Variants in TBC1D32 observed in about 807,000 individuals in gnomAD.
TBC1D32 encodes the protein TBC1 domain family member 32, also known as protein broad-minded.
A neutral mutation model predicts 170.3 loss-of-function variants in TBC1D32; 151 were observed. The observed-to-expected ratio is 0.89, with a 90% confidence interval of 0.78 to 1.01. The LOEUF is 1.01. Among genes scored for constraint, TBC1D32 ranks in the 50% least tolerant of loss-of-function variants. TBC1D32 has a pLI of 0.00. For missense variants in TBC1D32, 1,464 were observed against 1,457.1 expected, an observed-to-expected ratio of 1.00 and a Z score of -0.08; for synonymous variants, 498 against 488.0, an observed-to-expected ratio of 1.02 and a Z score of -0.27.
chr6:121,129,713 T>A (rs1781224482), intron 25 of TBC1D32, among the ~76,000 whole-genome samples: 1 of 152,146 alleles, frequency 6.6e-6, no homozygotes, highest in African/African-American at 2.4e-5. Context: ...AGAGACAGAC[T>A]TAGGAATAGC....
At chr6:121,321,971 A>C (rs770179689) in intron 1 of TBC1D32, among the ~76,000 whole-genome samples, 177 bp from the exon 2 acceptor site, 16 of 144,996 alleles carry the variant, frequency 1.1e-4, no homozygotes, top group Non-Finnish European at 2.3e-4. Flanking sequence ...TTTCTGAGAC[A>C]CTTGGCAAAA....
chr6:121,172,622 T>C (rs1256650091), intron 22 of TBC1D32, among the ~76,000 whole-genome samples: 3 of 152,160 alleles, frequency 2.0e-5, no homozygotes, highest in South Asian at 2.1e-4. Context: ...TAGAAGAAGG[T>C]AGTCATCAAT....
intron 30 of TBC1D32, among the ~76,000 whole-genome samples, chr6:121,097,286 G>A (rs1280052933): frequency 6.6e-6 from 1 of 152,086 alleles, no homozygotes; most frequent in African/African-American, 2.4e-5. Context: ...AAAAATTTTT[G>A]CAATCTATCC....
At chr6:121,290,318 C>G (rs1156542574) in intron 12 of TBC1D32, among the ~76,000 whole-genome samples, 1 of 152,120 alleles carries the variant, frequency 6.6e-6, no homozygotes, top group African/African-American at 2.4e-5. Context: ...AAACAAACAA[C>G]CCCATCAACA....
chr6:121,142,014 C>T (rs1289944411), intron 24 of TBC1D32, among the ~76,000 whole-genome samples: 1 of 152,220 alleles, frequency 6.6e-6, no homozygotes, highest in Non-Finnish European at 1.5e-5. Context: ...ATGTGCAAGA[C>T]TGCTCTCTAC....
chr6:121,206,918 CCT>C (rs953168935), intron 21 of TBC1D32, among the ~76,000 whole-genome samples: 2 of 152,122 alleles, frequency 1.3e-5, no homozygotes, highest in Non-Finnish European at 1.5e-5. Flanking sequence ...TCTCCTTTAA[CCT>C]CTCTACTTTT....
Position 121,242,138 on chromosome 6 carries a change from T to C in TBC1D32, c.2157+63A>G. Reference sequence around the variant, plus strand: ...TCTTCATACACAGAAAACAGAATGATGTTCTTAATGGCTTTTAAAACCACA... The same window carrying C: ...TCTTCATACACAGAAAACAGAATGACGTTCTTAATGGCTTTTAAAACCACA... On this transcript the variant is annotated intron_variant, in intron 18 of 31. Transcript: ENST00000398212. 2.0e-6 allele frequency: 3 copies of C among 1,509,206 alleles called. No individual in the cohort carries two copies. In the South Asian group the frequency reaches 3.6e-5, roughly 18 times the overall value. The allele number at this position is 1,509,206 out of a possible 1,614,324, so 93.5% of individuals were successfully genotyped here.
At chr6:121,101,959 G>C (rs1305511210) in intron 30 of TBC1D32, among the ~76,000 whole-genome samples, 1 of 152,064 alleles carries the variant, frequency 6.6e-6, no homozygotes, top group African/African-American at 2.4e-5. Context: ...CAAACAGAGA[G>C]CCAAATCCTG....
At chr6:121,189,205 T>C (rs1789597458) in intron 22 of TBC1D32, among the ~76,000 whole-genome samples, 2 of 151,998 alleles carry the variant, frequency 1.3e-5, no homozygotes, top group African/African-American at 2.4e-5. Flanking sequence ...AGTTTAACCA[T>C]AGGAAACTGG....
chr6:121,154,429 C>T (rs1000056412), intron 24 of TBC1D32, among the ~76,000 whole-genome samples: 6 of 152,172 alleles, frequency 3.9e-5, no homozygotes, highest in African/African-American at 1.4e-4. Context: ...TGGAGCTGTT[C>T]CTATTACGCC....
At chr6:121,334,694 G>C, upstream of TBC1D32, 1 of 501,766 alleles carries the variant, frequency 2.0e-6, no homozygotes, top group Non-Finnish European at 3.6e-6. Flanking sequence ...CAGACCTCAG[G>C]CTCTCCCGAC....
chr6:121,236,825 C>T (rs993947269), intron 20 of TBC1D32: 7 of 152,068 alleles, frequency 4.6e-5, no homozygotes, highest in Admixed American at 3.3e-4. Context: ...TTCCCCTGTC[C>T]TTTATGCTAC....
chr6:121,226,816 G>A (rs1795127267), intron 20 of TBC1D32, among the ~76,000 whole-genome samples: 1 of 152,094 alleles, frequency 6.6e-6, no homozygotes. Context: ...GTCATTATAT[G>A]AGCACTTACT....
rs148430789 is a variant in TBC1D32 at position 121,247,472 on chromosome 6, A to G, written c.2019-5133T>C. On this transcript the variant is annotated intron_variant, in intron 17 of 31. Transcript: ENST00000398212. ...TGAATAAAAAAGTACCTCACATCTC[A>G]ATATTAATGTTGAAAGTAAATGGAC... 2.0e-3 allele frequency among the ~76,000 whole-genome samples: 298 copies of G among 152,000 alleles called. 2 individuals carry two copies. The highest frequency in any genetic ancestry group is 6.8e-3 in the Middle Eastern group (2 of 294).
intron 30 of TBC1D32, among the ~76,000 whole-genome samples, chr6:121,100,022 G>A (rs1777842058): frequency 6.6e-6 from 1 of 152,012 alleles, no homozygotes; most frequent in African/African-American, 2.4e-5. Context: ...TATATGGTAT[G>A]TACCCAGTAG....
In TBC1D32 at chr6:121,308,009, G is replaced by C. The variant is rs780845383; in HGVS notation, c.657C>G (p.Thr219=). 17 of 1,613,500 alleles carry C rather than the reference G, an allele frequency of 1.1e-5. No homozygotes were observed. The highest frequency in any genetic ancestry group is 1.7e-5 in the Admixed American group (1 of 59,960). ...ENWTTLCEKL[T]VSLSDPDPVF... is the part of the protein sequence containing the mutation. ...CAGGATCAGGATCTGAAAGAGACAC[G>C]GTCAGTTTTTCGCAGAGAGTAGTCC... The change falls in exon 5 of 32, where the codon ACC becomes ACG. Residue 219 remains threonine (T), a synonymous_variant. Transcript: ENST00000398212.
intron 22 of TBC1D32, among the ~76,000 whole-genome samples, chr6:121,179,225 ATTTAC>A (rs1440049713): frequency 6.6e-6 from 1 of 151,516 alleles, no homozygotes; most frequent in Non-Finnish European, 1.5e-5. Flanking sequence ...ATATATAGAT[ATTTAC>A]TTTACATATA....
Position 121,334,302 on chromosome 6 carries a change from C to T in TBC1D32, c.129G>A (p.Leu43=), listed in dbSNP as rs1472934898. The T allele has an allele frequency of 1.2e-6, 2 of 1,614,062 alleles. No individual in the cohort carries two copies. Among genetic ancestry groups the T allele is most frequent in the Non-Finnish European group, 1.7e-6 (2 of 1,179,998 alleles). The part of the protein sequence containing the change: ...LECAEEILLH[L]EETDENFHNY... ...TGTGAAAATTTTCATCAGTTTCCTC[C>T]AGATGTAAAAGAATCTCTTCGGCAC... The change falls in exon 1 of 32, where the codon CTG becomes CTA. Residue 43 remains leucine, a synonymous_variant. Coordinates refer to ENST00000398212, the MANE Select transcript of TBC1D32 (RefSeq NM_152730.6).
chr6:121,199,265 C>A (rs979466470), intron 22 of TBC1D32, among the ~76,000 whole-genome samples: 1 of 151,076 alleles, frequency 6.6e-6, no homozygotes, highest in Non-Finnish European at 1.5e-5. Context: ...GAGATTCAAT[C>A]GTGTACTGGA....
Sources: gnomAD v4.1 joint callset for allele counts (sites outside exome capture counted in the v4.1 genomes callset) on GRCh38, gnomAD v4.1.1 for gene constraint, MANE v1.5 for transcripts, NCBI Gene and HGNC (gene_info 2026-07-23, HGNC 2026-07-21) for gene names.